NUSAP1: variants seen among roughly 807,000 people sequenced by gnomAD.
NUSAP1 encodes nucleolar and spindle-associated protein 1.
A neutral mutation model predicts 52.8 loss-of-function variants in NUSAP1; 32 were observed. That is an observed-to-expected ratio of 0.61 (90% confidence interval 0.46 to 0.81). The LOEUF is 0.81. Ranked by LOEUF, NUSAP1 falls within the 40% of genes least tolerant of loss-of-function variation. NUSAP1 has a pLI of 0.00. For synonymous variants in NUSAP1, 195 were observed against 183.1 expected (o/e 1.06, Z -0.52); for missense variants, 499 against 522.3 (o/e 0.96, Z 0.43).
chr15:41,361,746 C>T (rs2049187366), intron 6 of NUSAP1, among the ~76,000 whole-genome samples: 1 of 152,044 alleles, frequency 6.6e-6, no homozygotes, highest in Admixed American at 6.6e-5. Context: ...CCTGGTAGAC[C>T]CATCTGAATG....
Position 41,340,218 on chromosome 15 carries a change from A to G in NUSAP1, c.94-2168A>G, listed in dbSNP as rs182038786. Among the ~76,000 whole-genome samples the G allele has an allele frequency of 5.3e-5, 8 of 151,890 alleles. No homozygotes were observed. In the East Asian group the frequency reaches 1.6e-3, roughly 29 times the overall value. On this transcript the variant is annotated intron_variant, in intron 1 of 10. Coordinates refer to ENST00000559596, the MANE Select transcript of NUSAP1 (RefSeq NM_016359.5). ...TTTCTGTCTTTCAACTCATGAGTCCACCTCAGGGCTCCTGTTCTTGGCGCT... is the reference window on the plus strand; with the variant it reads ...TTTCTGTCTTTCAACTCATGAGTCCGCCTCAGGGCTCCTGTTCTTGGCGCT...
chr15:41,378,559 G>A lies in NUSAP1; in HGVS notation c.1232+1255G>A, dbSNP rs182909298. On this transcript the variant is annotated intron_variant, in intron 10 of 10. Coordinates refer to ENST00000559596, the MANE Select transcript of NUSAP1 (RefSeq NM_016359.5). ...CCAGTACTCTGGGAGGCCAAGGCGG[G>A]TGGATCACGATGTCAGGAGTTGAAG... Among the ~76,000 whole-genome samples the A allele has an allele frequency of 2.0e-5, 3 of 152,322 alleles. No individual in the cohort carries two copies. The East Asian group carries it at 5.8e-4, about 29-fold the overall frequency.
chr15:41,353,207 G>A lies in NUSAP1; in HGVS notation c.448+2078G>A, dbSNP rs138861179. 3.5e-4 allele frequency among the ~76,000 whole-genome samples: 53 copies of A among 152,276 alleles called. 1 individual carries two copies. The East Asian group carries it at 9.7e-3, about 28-fold the overall frequency. Reference sequence around the variant, plus strand: ...TCTCTGTTGCCCAGGCGGGAGTACAGTGACAGGATCTCGGCTCATTGCAAC... The same window carrying A: ...TCTCTGTTGCCCAGGCGGGAGTACAATGACAGGATCTCGGCTCATTGCAAC... On this transcript the variant is annotated intron_variant, in intron 4 of 10. Coordinates refer to ENST00000559596, the MANE Select transcript of NUSAP1 (RefSeq NM_016359.5).
intron 1 of NUSAP1, among the ~76,000 whole-genome samples, chr15:41,339,441 G>A (rs976569513): frequency 4.9e-5 from 7 of 142,560 alleles, no homozygotes; most frequent in South Asian, 4.3e-4. Context: ...ACGGAGTTTC[G>A]CTGTTGTTGC....
At chr15:41,349,044 T>C (rs1252973487) in intron 2 of NUSAP1, 54 bp from the exon 3 acceptor site, 1 of 1,536,006 alleles carries the variant, frequency 6.5e-7, no homozygotes, top group Admixed American at 1.9e-5. Context: ...TGATTCTTCC[T>C]GAGCATTATA....
chr15:41,355,746 G>A (rs1052362711), intron 4 of NUSAP1, among the ~76,000 whole-genome samples: 3 of 150,700 alleles, frequency 2.0e-5, no homozygotes, highest in Non-Finnish European at 3.0e-5. Context: ...GCGCGATCTC[G>A]GCTCACTGCA....
In NUSAP1 at chr15:41,333,020, C is replaced by T. The variant is rs1388111292; in HGVS notation, c.63C>T (p.Ala21=). 1.9e-6 allele frequency: 3 copies of T among 1,611,600 alleles called. No homozygotes were observed. The African/African-American group carries it at 4.0e-5, about 22-fold the overall frequency. The change falls in exon 1 of 11, where the codon GCC becomes GCT. Residue 21 remains alanine (A), a synonymous_variant. Coordinates refer to ENST00000559596, the MANE Select transcript of NUSAP1 (RefSeq NM_016359.5). ...AGTACAGTGACCTGCAGAACTTAGC[C>T]AAGAGTCTGGGTCTCCGGGCCAACC... is the stretch of plus-strand genomic sequence containing the variant. ...SLKYSDLQNL[A]KSLGLRANLR... is the part of the protein sequence containing the mutation.
intron 4 of NUSAP1, chr15:41,352,118 A>T (rs1194280974): frequency 6.6e-6 from 1 of 151,528 alleles, no homozygotes; most frequent in Non-Finnish European, 1.5e-5. Context: ...TAATTTTTGT[A>T]TTTTTAATAG....
At chr15:41,337,839 C>T (rs1211507358) in intron 1 of NUSAP1, among the ~76,000 whole-genome samples, 1 of 152,058 alleles carries the variant, frequency 6.6e-6, no homozygotes, top group Non-Finnish European at 1.5e-5. Context: ...ATGTGGAGTG[C>T]CCCCAGGGCT....
rs559870262 is a variant in NUSAP1 at position 41,377,093 on chromosome 15, A to T, written c.1124-103A>T. The T allele has an allele frequency of 4.6e-5, 30 of 646,252 alleles. No homozygotes were observed. In the East Asian group the frequency reaches 8.7e-4, roughly 19 times the overall value. The allele number at this position is 646,252 out of a possible 1,614,324, so 40.0% of individuals were successfully genotyped here. ...GAGATTCTGTCTCAAAGAAAAAAAA[A>T]GTATAAATGTTGATAGCAGGTAACC... On this transcript the variant is annotated intron_variant, in intron 9 of 10. Coordinates refer to ENST00000559596, the MANE Select transcript of NUSAP1 (RefSeq NM_016359.5).
chr15:41,378,907 A>T (rs965411609), intron 10 of NUSAP1, among the ~76,000 whole-genome samples: 1 of 149,288 alleles, frequency 6.7e-6, no homozygotes, highest in African/African-American at 2.4e-5. Context: ...ACCAAAAAAA[A>T]AAAAGAAAAA....
At chr15:41,354,998 C>T (rs184359290) in intron 4 of NUSAP1, among the ~76,000 whole-genome samples, 2,140 of 149,370 alleles carry the variant, frequency 0.014, 58 homozygotes, top group African/African-American at 0.05. Flanking sequence ...CCAGCCTGGG[C>T]GAAAGAGCGA....
intron 8 of NUSAP1, among the ~76,000 whole-genome samples, chr15:41,372,490 A>G (rs1326478723): frequency 6.6e-6 from 1 of 152,016 alleles, no homozygotes; most frequent in Non-Finnish European, 1.5e-5. Flanking sequence ...TGCTATGAAT[A>G]CTCTTAAACA....
intron 6 of NUSAP1, among the ~76,000 whole-genome samples, chr15:41,358,535 A>C (rs1595568477): frequency 6.6e-6 from 1 of 151,502 alleles, no homozygotes; most frequent in East Asian, 1.9e-4. Context: ...TCAGGAGTTC[A>C]AGGCCAGCCT....
intron 6 of NUSAP1, among the ~76,000 whole-genome samples, chr15:41,363,735 A>G (rs979700580): frequency 5.9e-5 from 9 of 152,262 alleles, no homozygotes; most frequent in East Asian, 3.9e-4. Context: ...ATTAATTTCA[A>G]TTGTCATATC....
At chr15:41,358,516 T>C (rs1448976221) in intron 6 of NUSAP1, among the ~76,000 whole-genome samples, 3 of 152,146 alleles carry the variant, frequency 2.0e-5, no homozygotes, top group Non-Finnish European at 4.4e-5. Flanking sequence ...GCAAGTGGAT[T>C]ACCTCAGGTC....
chr15:41,350,417 C>T (rs377553987), intron 3 of NUSAP1, among the ~76,000 whole-genome samples: 11 of 150,610 alleles, frequency 7.3e-5, no homozygotes, highest in African/African-American at 2.7e-4. Flanking sequence ...TTAAGAAGCC[C>T]GGGAAAAGAG....
chr15:41,336,144 C>T (rs1245517839), intron 1 of NUSAP1, among the ~76,000 whole-genome samples: 8 of 151,350 alleles, frequency 5.3e-5, no homozygotes, highest in Non-Finnish European at 8.8e-5. Flanking sequence ...CCTGTAATCC[C>T]AGCTACTCGG....
intron 1 of NUSAP1, among the ~76,000 whole-genome samples, chr15:41,341,894 A>G (rs2048379403): frequency 6.6e-6 from 1 of 152,102 alleles, no homozygotes; most frequent in South Asian, 2.1e-4. Context: ...CTTTCCCAAC[A>G]TTGTCTCTTA....
Sources: gnomAD v4.1 joint callset for allele counts (sites outside exome capture counted in the v4.1 genomes callset) on GRCh38, gnomAD v4.1.1 for gene constraint, MANE v1.5 for transcripts, NCBI Gene and HGNC (gene_info 2026-07-23, HGNC 2026-07-21) for gene names.